Variants in C3orf20 observed in about 807,000 individuals in gnomAD.
C3orf20 encodes the protein family with sequence similarity 149 member C, also known as uncharacterized protein C3orf20.
In C3orf20, 76 loss-of-function variants were observed where a neutral mutation model predicts 88.3. The observed-to-expected ratio is 0.86, with a 90% confidence interval of 0.72 to 1.04. The LOEUF (loss-of-function observed/expected upper bound fraction) is 1.04, where lower values mean the gene tolerates loss of function less well. C3orf20 is among the 50% of genes least tolerant of loss of function. The pLI, the probability that C3orf20 is intolerant of heterozygous loss-of-function variation, is 0.00. For missense variants in C3orf20, 1,056 were observed against 1,123.3 expected (o/e 0.94, Z 0.86); for synonymous variants, 436 against 437.4 (o/e 1.00, Z 0.04).
intron 7 of C3orf20, among the ~76,000 whole-genome samples, chr3:14,709,453 A>C (rs2033654064): frequency 6.6e-6 from 1 of 152,182 alleles, no homozygotes; most frequent in Non-Finnish European, 1.5e-5. Flanking sequence ...TTTATATTAG[A>C]GGAAAAGTTT....
chr3:14,741,399 T>G lies in C3orf20; in HGVS notation c.1940+12711T>G, dbSNP rs184978774. Among the ~76,000 whole-genome samples the G allele has an allele frequency of 1.6e-3, 240 of 152,344 alleles. 3 individuals carry two copies. The highest frequency in any genetic ancestry group is 0.015 in the Admixed American group (225 of 15,302). On this transcript the variant is annotated intron_variant, in intron 12 of 16. Transcript: ENST00000253697. ...TTTACTTTCAAAATCAACACTTGCCTTGAAAGGTAAAAGAGTTCTAAATGT... is the reference window on the plus strand; with the variant it reads ...TTTACTTTCAAAATCAACACTTGCCGTGAAAGGTAAAAGAGTTCTAAATGT...
intron 7 of C3orf20, among the ~76,000 whole-genome samples, chr3:14,708,118 G>A (rs983320249): frequency 7.2e-5 from 11 of 151,844 alleles, no homozygotes; most frequent in African/African-American, 2.2e-4. Flanking sequence ...CACCGTGCCC[G>A]GCCCCCTGTG....
intron 12 of C3orf20, among the ~76,000 whole-genome samples, chr3:14,734,372 C>A (rs1020329169): frequency 1.3e-5 from 2 of 152,104 alleles, no homozygotes; most frequent in African/African-American, 4.8e-5. Context: ...GTTTTAGCTG[C>A]ATCCCGCAAG....
At chr3:14,703,037 TG>T (rs2124933878) in intron 5 of C3orf20, 92 bp from the exon 6 acceptor site, 1 of 1,444,704 alleles carries the variant, frequency 6.9e-7, no homozygotes, top group Non-Finnish European at 9.6e-7. Flanking sequence ...TGATCTCCTT[TG>T]ACTCCAGGTC....
intron 1 of C3orf20, among the ~76,000 whole-genome samples, chr3:14,678,522 C>A (rs2031911304): frequency 6.6e-6 from 1 of 152,242 alleles, no homozygotes; most frequent in Admixed American, 6.5e-5. Context: ...CCTTCCCCAT[C>A]CCTGTCCCAG....
chr3:14,762,588 C>T (rs2035593382), intron 15 of C3orf20, among the ~76,000 whole-genome samples: 1 of 152,184 alleles, frequency 6.6e-6, no homozygotes, highest in Non-Finnish European at 1.5e-5. Flanking sequence ...TCTGTTTCCT[C>T]ACCTTCAAAA....
chr3:14,685,230 G>C (rs1253133394), intron 4 of C3orf20, among the ~76,000 whole-genome samples: 1 of 152,172 alleles, frequency 6.6e-6, no homozygotes, highest in Non-Finnish European at 1.5e-5. Context: ...AGAGGAAGCT[G>C]TGGGAGGATA....
chr3:14,680,464 A>G (rs1458062521), intron 1 of C3orf20, among the ~76,000 whole-genome samples: 1 of 152,222 alleles, frequency 6.6e-6, no homozygotes, highest in African/African-American at 2.4e-5. Flanking sequence ...GCAAATCCAC[A>G]GAGACAGAAA....
At chr3:14,766,899 G>C (rs1405553510) in intron 15 of C3orf20, 1 of 78,410 alleles carries the variant, frequency 1.3e-5, no homozygotes, top group Non-Finnish European at 2.1e-5. Flanking sequence ...AGCTGTGGGA[G>C]GCTTTGAGGA....
chr3:14,702,440 CTT>C (rs34341509), intron 5 of C3orf20, among the ~76,000 whole-genome samples: 1,231 of 116,512 alleles, frequency 0.011, 7 homozygotes, highest in African/African-American at 0.015. Flanking sequence ...CCTCACATAT[CTT>C]TTTTTTTTTT....
intron 12 of C3orf20, among the ~76,000 whole-genome samples, chr3:14,754,474 G>A (rs2035306149): frequency 6.6e-6 from 1 of 152,286 alleles, no homozygotes; most frequent in African/African-American, 2.4e-5. Context: ...GGGATGGCAG[G>A]GGAGTAAGCT....
chr3:14,739,187 C>A (rs2034826520), intron 12 of C3orf20, among the ~76,000 whole-genome samples: 1 of 152,184 alleles, frequency 6.6e-6, no homozygotes, highest in Admixed American at 6.5e-5. Context: ...CTACCTACAG[C>A]ATCTATAGCT....
intron 12 of C3orf20, among the ~76,000 whole-genome samples, chr3:14,738,688 C>G (rs1203197547): frequency 7.8e-6 from 1 of 127,790 alleles, no homozygotes. Context: ...GGCTGGAGTG[C>G]AATGGCACAT....
chr3:14,744,095 G>C (rs1445430390), intron 12 of C3orf20, among the ~76,000 whole-genome samples: 1 of 151,998 alleles, frequency 6.6e-6, no homozygotes, highest in Non-Finnish European at 1.5e-5. Context: ...CTATCACATA[G>C]TCAGGCTGAA....
rs1158438091 is a variant in C3orf20, at chr3:14,701,091, C to T, written c.746-2039C>T. Among the ~76,000 whole-genome samples, 2 of 152,218 alleles carry T rather than the reference C, an allele frequency of 1.3e-5. No homozygotes were observed. The highest frequency in any genetic ancestry group is 2.9e-5 in the Non-Finnish European group (2 of 68,038). On this transcript the variant is annotated intron_variant, in intron 5 of 16. Transcript: ENST00000253697. The surrounding 1 kb of genome is among the most constrained non-coding windows in gnomAD (Gnocchi z 4.6). The stretch of plus-strand genomic sequence containing the variant: ...CTGGGGCAGGCCAGACATGGAGGCT[C>T]AATCCAGCAGATGCTCCAGGTGGCC...
intron 12 of C3orf20, among the ~76,000 whole-genome samples, chr3:14,732,880 G>C (rs371516460): frequency 1.4e-5 from 1 of 73,858 alleles, no homozygotes; most frequent in African/African-American, 4.4e-5. Context: ...TTTATATAAG[G>C]TATAGTGTAT....
At chr3:14,718,980 A>G (rs970833492) in intron 9 of C3orf20, among the ~76,000 whole-genome samples, 1 of 152,184 alleles carries the variant, frequency 6.6e-6, no homozygotes, top group Non-Finnish European at 1.5e-5. Flanking sequence ...TGCAGGCCAG[A>G]AAGATGGTGG....
intron 11 of C3orf20, among the ~76,000 whole-genome samples, chr3:14,728,037 A>T (rs2034415260): frequency 6.6e-6 from 1 of 152,122 alleles, no homozygotes; most frequent in Admixed American, 6.5e-5. Context: ...AATACAATAC[A>T]ACAAAGAAAG....
intron 12 of C3orf20, among the ~76,000 whole-genome samples, chr3:14,749,934 T>C (rs2035172376): frequency 6.6e-6 from 1 of 152,126 alleles, no homozygotes; most frequent in African/African-American, 2.4e-5. Context: ...CTTTATGCAT[T>C]GTGTGCCCAT....
Sources: allele counts gnomAD v4.1 joint callset (sites outside exome capture counted in the v4.1 genomes callset), GRCh38; gene constraint gnomAD v4.1.1; non-coding constraint Gnocchi (gnomAD v3.1); transcripts MANE v1.5; gene names NCBI Gene and HGNC (gene_info 2026-07-23, HGNC 2026-07-21).